The following EMC3 variants were observed in gnomAD, a reference collection of about 807,000 sequenced individuals.
EMC3 encodes ER membrane protein complex subunit 3.
EMC3 carries 13 observed loss-of-function variants against 36.6 expected under a neutral mutation model. The ratio of observed to expected loss-of-function variants is 0.35; its 90% CI spans 0.23 to 0.56. EMC3 has a LOEUF of 0.56. Among genes scored for constraint, EMC3 ranks in the 20% least tolerant of loss-of-function variants. EMC3 has a pLI of 0.84. For missense variants in EMC3, 220 were observed against 324.5 expected (o/e 0.68, Z 2.47); for synonymous variants, 120 against 111.9 (o/e 1.07, Z -0.46).
chr3:9,980,552 T>TGG, intron 1 of EMC3, among the ~76,000 whole-genome samples: 1 of 142,360 alleles, frequency 7.0e-6, no homozygotes, highest in Non-Finnish European at 1.5e-5. Flanking sequence ...TTTGTTTTTT[T>TGG]TGTTTTTTTT....
intron 7 of EMC3, among the ~76,000 whole-genome samples, chr3:9,967,898 G>T (rs1416053874): frequency 6.6e-6 from 1 of 152,118 alleles, no homozygotes; most frequent in African/African-American, 2.4e-5. Flanking sequence ...TAATTTTTCA[G>T]TATGTCGGTT....
At chr3:9,972,615 A>T (rs184918560) in intron 5 of EMC3, among the ~76,000 whole-genome samples, 31 of 151,870 alleles carry the variant, frequency 2.0e-4, no homozygotes, top group African/African-American at 6.5e-4. Flanking sequence ...CATGAAAAAT[A>T]AAAAAATTAC....
intron 1 of EMC3, among the ~76,000 whole-genome samples, chr3:10,005,560 TACC>T (rs956048271): frequency 2.0e-5 from 3 of 152,170 alleles, no homozygotes; most frequent in African/African-American, 7.2e-5. Flanking sequence ...CACAGGAAGA[TACC>T]ATGCCCCACC....
rs568313560 is a variant in EMC3, at chr3:9,985,342, C to T, written c.155+1165G>A. Among the ~76,000 whole-genome samples, 366 of 152,268 alleles carry T rather than the reference C, an allele frequency of 2.4e-3. 1 individual carries two copies. Among genetic ancestry groups the T allele is most frequent in the Non-Finnish European group, 3.3e-3 (222 of 68,028 alleles). On this transcript the variant is annotated intron_variant, in intron 1 of 7. Transcript: ENST00000245046. The stretch of plus-strand genomic sequence containing the variant: ...CTGAGGCTTACTCTCTTTATTAAAA[C>T]GAGAAATTAATGTGAGAGAGAGGTG...
At chr3:9,969,289 A>G in intron 7 of EMC3, 2 of 1,092,644 alleles carry the variant, frequency 1.8e-6, no homozygotes, top group African/African-American at 3.4e-5. Context: ...AGTTTCTATC[A>G]TGAAACACAG....
chr3:9,975,507 A>G (rs2085837476), intron 3 of EMC3, among the ~76,000 whole-genome samples: 1 of 133,958 alleles, frequency 7.5e-6, no homozygotes, highest in African/African-American at 3.1e-5. Context: ...TTACTGGGCT[A>G]AAAAAAAAAA....
chr3:9,995,115 A>G (rs1439073803), intron 1 of EMC3, among the ~76,000 whole-genome samples: 1 of 152,056 alleles, frequency 6.6e-6, no homozygotes, highest in African/African-American at 2.4e-5. Context: ...GAATTCTGTT[A>G]TGACTTATGG....
chr3:10,000,840 G>A (rs887045711), intron 1 of EMC3: 27 of 489,562 alleles, frequency 5.5e-5, no homozygotes, highest in South Asian at 2.9e-4. Flanking sequence ...TCTTCCGCCC[G>A]AAGAGACCTT....
At position 9,963,851 on chromosome 3, in the gene EMC3, C is replaced by A. The variant is rs888687745; in HGVS notation, c.*218G>T. Reference sequence around the variant, plus strand: ...TCATTACTAGAGTCACCAGAAGGAACATTTACAACATTTTAAAAATAACAA... The same window carrying A: ...TCATTACTAGAGTCACCAGAAGGAAAATTTACAACATTTTAAAAATAACAA... On this transcript the variant is annotated 3_prime_UTR_variant, in exon 8 of 8. Coordinates refer to ENST00000245046, the MANE Select transcript of EMC3 (RefSeq NM_001394674.1). 8.7e-6 allele frequency: 5 copies of A among 577,230 alleles called. No individual in the cohort carries two copies. The highest frequency in any genetic ancestry group is 1.4e-5 in the Non-Finnish European group (5 of 356,154). The allele number at this position is 577,230 out of a possible 1,614,324, so 35.8% of individuals were successfully genotyped here. A position where few individuals can be genotyped will look rare whatever the true frequency, so the allele number is the denominator to read the frequency against.
At chr3:9,966,535 T>C (rs1440851751) in intron 7 of EMC3, among the ~76,000 whole-genome samples, 1 of 151,338 alleles carries the variant, frequency 6.6e-6, no homozygotes, top group Non-Finnish European at 1.5e-5. Context: ...CACTGTTTTT[T>C]AGTTGTTTAT....
At chr3:9,995,352 A>G (rs1315897400) in intron 1 of EMC3, among the ~76,000 whole-genome samples, 1 of 152,058 alleles carries the variant, frequency 6.6e-6, no homozygotes, top group Admixed American at 6.6e-5. Flanking sequence ...ATATGGGAAA[A>G]AGAAAGAGGA....
At chr3:9,964,336 G>T in intron 7 of EMC3, 139 bp from the exon 8 acceptor site, 1 of 1,375,080 alleles carries the variant, frequency 7.3e-7, no homozygotes, top group East Asian at 2.6e-5. Flanking sequence ...ATCCTACAAG[G>T]GAAATGCTGC....
At position 9,986,815 on chromosome 3, in the gene EMC3, T is replaced by C; in HGVS notation, c.-154A>G. 7.0e-7 allele frequency: 1 copy of C among 1,422,366 alleles called. No individual in the cohort carries two copies. The highest frequency in any genetic ancestry group is 9.2e-7 in the Non-Finnish European group (1 of 1,085,938). The allele number at this position is 1,422,366 out of a possible 1,614,324, so 88.1% of individuals were successfully genotyped here. On this transcript the variant is annotated 5_prime_UTR_variant, in exon 1 of 8. Coordinates refer to ENST00000245046, the MANE Select transcript of EMC3 (RefSeq NM_001394674.1). ...CGACTGTGAGCCGAGCTTACTGCCT[T>C]CAGCTGGGCTGCCTGGTCTTCCACT...
chr3:9,989,513 T>C (rs1407735893), upstream of EMC3, among the ~76,000 whole-genome samples: 3 of 152,378 alleles, frequency 2.0e-5, no homozygotes, highest in Non-Finnish European at 1.5e-5. Flanking sequence ...TAGGTGCTGA[T>C]TGGTTGCCTT....
chr3:9,970,676 T>C lies in EMC3; in HGVS notation c.495-15A>G, dbSNP rs755143087. On this transcript the variant is annotated splice_polypyrimidine_tract_variant and intron_variant, in intron 5 of 7. Coordinates refer to ENST00000245046, the MANE Select transcript of EMC3 (RefSeq NM_001394674.1). ...CAGAACTCACCCTGGCAAAGCAAAA[T>C]GAAAATGGTGTGGTTAGTTATTATA... is the stretch of plus-strand genomic sequence containing the variant. The C allele has an allele frequency of 9.3e-6, 15 of 1,613,508 alleles. No individual in the cohort carries two copies. Among genetic ancestry groups the C allele is most frequent in the Non-Finnish European group, 1.3e-5 (15 of 1,179,664 alleles).
chr3:9,973,500 C>T (rs913179132), intron 5 of EMC3, 128 bp downstream of exon 5: 15 of 801,726 alleles, frequency 1.9e-5, no homozygotes, highest in African/African-American at 6.9e-5. Context: ...GGCCTGTTTT[C>T]GTTTTCTTGA....
intron 1 of EMC3, among the ~76,000 whole-genome samples, chr3:10,001,405 C>CAAAAAAAA (rs60785369): frequency 8.2e-4 from 65 of 79,638 alleles, no homozygotes; most frequent in African/African-American, 1.3e-3. Flanking sequence ...GCTAAAAATA[C>CAAAAAAAA]AAAAAAAAAA....
chr3:10,003,394 G>A (rs2086227759), intron 1 of EMC3: 3 of 362,444 alleles, frequency 8.3e-6, no homozygotes, highest in South Asian at 6.1e-5. Flanking sequence ...CAACATAGTT[G>A]CACGGCTGAA....
At chr3:9,969,615 C>T (rs375001301) in intron 7 of EMC3, 104 bp downstream of exon 7, 47 of 1,576,108 alleles carry the variant, frequency 3.0e-5, no homozygotes, top group African/African-American at 2.4e-4. Flanking sequence ...TAAATTAAAA[C>T]GATGGAACCA....
Sources: allele counts gnomAD v4.1 joint callset (sites outside exome capture counted in the v4.1 genomes callset), GRCh38; gene constraint gnomAD v4.1.1; transcripts MANE v1.5; gene names NCBI Gene and HGNC (gene_info 2026-07-23, HGNC 2026-07-21).